The following FLVCR2 variants were observed in gnomAD, a reference collection of about 807,000 sequenced individuals.
FLVCR2 encodes the protein choline/ethanolamine transporter FLVCR2.
Under a neutral mutation model 48.9 loss-of-function variants are expected in FLVCR2, and 38 were observed. The ratio of observed to expected loss-of-function variants is 0.78; its 90% CI spans 0.60 to 1.02. The LOEUF is 1.02. Among genes scored for constraint, FLVCR2 ranks in the 50% least tolerant of loss-of-function variants. The pLI is 0.00. For missense variants in FLVCR2, 664 were observed against 663.3 expected (o/e 1.00, Z -0.01); for synonymous variants, 255 against 257.0 (o/e 0.99, Z 0.07).
intron 1 of FLVCR2, among the ~76,000 whole-genome samples, chr14:75,611,122 A>G (rs1241517230): frequency 6.6e-6 from 1 of 152,204 alleles, no homozygotes; most frequent in Non-Finnish European, 1.5e-5. Flanking sequence ...AACACACTAC[A>G]CAAAAAGAAA....
At chr14:75,626,763 T>C (rs1234990206) in intron 3 of FLVCR2, among the ~76,000 whole-genome samples, 1 of 151,934 alleles carries the variant, frequency 6.6e-6, no homozygotes, top group Non-Finnish European at 1.5e-5. Context: ...GGGGCCCTTC[T>C]AGACTCAGGA....
intron 9 of FLVCR2, among the ~76,000 whole-genome samples, chr14:75,644,504 TG>T (rs1364679250): frequency 6.6e-6 from 1 of 152,210 alleles, no homozygotes; most frequent in Non-Finnish European, 1.5e-5. Flanking sequence ...CTTTTGAGTG[TG>T]GGGTGCTGGA....
chr14:75,619,497 C>G (rs1330843944), intron 1 of FLVCR2, among the ~76,000 whole-genome samples: 2 of 151,934 alleles, frequency 1.3e-5, no homozygotes, highest in African/African-American at 4.8e-5. Flanking sequence ...ATCCATCCAT[C>G]CATCCATCCA....
In FLVCR2 at chr14:75,641,298, G is replaced by T; in HGVS notation, c.1453+5G>T. On this transcript the variant is annotated splice_donor_5th_base_variant and intron_variant, in intron 8 of 9. Coordinates refer to ENST00000238667, the MANE Select transcript of FLVCR2 (RefSeq NM_017791.3). ...CTCTTGGAGCAGCCCTCACTGGTGA[G>T]TTGGAGCCTGAGGGCAAGATGAGGC... The T allele has an allele frequency of 1.2e-6, 2 of 1,606,704 alleles. No individual in the cohort carries two copies. Among genetic ancestry groups the T allele is most frequent in the Non-Finnish European group, 1.7e-6 (2 of 1,173,348 alleles).
At chr14:75,615,730 A>G (rs1889591459) in intron 1 of FLVCR2, among the ~76,000 whole-genome samples, 1 of 152,004 alleles carries the variant, frequency 6.6e-6, no homozygotes. Context: ...TTAAAAAAGC[A>G]TAAGGCCGGC....
chr14:75,622,217 A>G lies in FLVCR2; in HGVS notation c.808A>G (p.Ile270Val), dbSNP rs1889785952. The G allele has an allele frequency of 1.2e-6, 2 of 1,613,940 alleles. No homozygotes were observed. The highest frequency in any genetic ancestry group is 8.5e-7 in the Non-Finnish European group (1 of 1,179,884). The stretch of plus-strand genomic sequence containing the variant: ...CACTCTCCTCCTCATCCTTGTCATC[A>G]TTGGTAAGGTCATTAGTAAACAGAT... The part of the protein sequence containing the change: ...VATLLLILVI[I>V]VFKEKPKYPP... The change falls in exon 2 of 10, where the codon ATT becomes GTT. Residue 270 changes from isoleucine (I) to valine (V), a missense_variant. Physicochemically the swap from Ile to Val is conservative, Grantham distance 29. Transcript: ENST00000238667.
In FLVCR2 at chr14:75,647,484, A is replaced by C. The variant is rs1408351141; in HGVS notation, c.*1012A>C. On this transcript the variant is annotated 3_prime_UTR_variant, in exon 10 of 10. Coordinates refer to ENST00000238667, the MANE Select transcript of FLVCR2 (RefSeq NM_017791.3). The stretch of plus-strand genomic sequence containing the variant: ...GAGATAAGAGGGAAGGGGTAGAAGG[A>C]AAGGTGCCCCTTGAAATGGGAATTG... 4 of 152,622 alleles carry C rather than the reference A, an allele frequency of 2.6e-5. No individual in the cohort carries two copies. Among genetic ancestry groups the C allele is most frequent in the Non-Finnish European group, 5.9e-5 (4 of 68,064 alleles). 9.5% of individuals were successfully genotyped at this position (152,622 alleles called of 1,614,324 possible).
At chr14:75,641,730 A>G in intron 8 of FLVCR2, 113 bp from the exon 9 acceptor site, 3 of 972,166 alleles carry the variant, frequency 3.1e-6, no homozygotes, top group East Asian at 2.4e-5. Context: ...TCTCTTGACT[A>G]TCTGAAGTAA....
At chr14:75,620,952 A>G (rs1038564825) in intron 1 of FLVCR2, among the ~76,000 whole-genome samples, 1 of 152,242 alleles carries the variant, frequency 6.6e-6, no homozygotes, top group African/African-American at 2.4e-5. Flanking sequence ...GGAATTACTC[A>G]TCTTCCTTCA....
chr14:75,644,793 T>C (rs1357781705), intron 9 of FLVCR2, among the ~76,000 whole-genome samples: 5 of 152,146 alleles, frequency 3.3e-5, no homozygotes, highest in Non-Finnish European at 7.4e-5. Flanking sequence ...AGGTGAAGAC[T>C]GGGCACACGG....
intron 6 of FLVCR2, among the ~76,000 whole-genome samples, chr14:75,640,003 T>C (rs1406958491): frequency 6.6e-6 from 1 of 152,202 alleles, no homozygotes; most frequent in African/African-American, 2.4e-5. Flanking sequence ...TTAACGCCTG[T>C]AATCCCAGCA....
At chr14:75,586,440 T>G (rs1178834365) in intron 1 of FLVCR2, among the ~76,000 whole-genome samples, 1 of 152,222 alleles carries the variant, frequency 6.6e-6, no homozygotes, top group South Asian at 2.1e-4. Flanking sequence ...GCGATCTGGA[T>G]GTATACGTGC....
At chr14:75,626,111 CCT>C (rs564782536) in intron 3 of FLVCR2, among the ~76,000 whole-genome samples, 15 of 152,318 alleles carry the variant, frequency 9.8e-5, no homozygotes, top group Non-Finnish European at 1.8e-4. Context: ...TCTGCCTCAG[CCT>C]CCCGAGTAGC....
At chr14:75,630,084 A>T (rs1384963276) in intron 3 of FLVCR2, among the ~76,000 whole-genome samples, 1 of 152,214 alleles carries the variant, frequency 6.6e-6, no homozygotes. Context: ...CAAAGATATG[A>T]TCTGGGGTCA....
At chr14:75,592,012 G>T (rs944241664) in intron 1 of FLVCR2, among the ~76,000 whole-genome samples, 1 of 151,180 alleles carries the variant, frequency 6.6e-6, no homozygotes, top group Admixed American at 6.6e-5. Flanking sequence ...TTTTTGTTTT[G>T]TAGAGATGAG....
chr14:75,619,084 C>T (rs1889694316), intron 1 of FLVCR2, among the ~76,000 whole-genome samples: 1 of 151,884 alleles, frequency 6.6e-6, no homozygotes, highest in Non-Finnish European at 1.5e-5. Flanking sequence ...ATTAGCCAGG[C>T]ATGTTGGTGG....
intron 1 of FLVCR2, among the ~76,000 whole-genome samples, chr14:75,585,327 G>A (rs533599827): frequency 5.3e-5 from 8 of 152,154 alleles, no homozygotes; most frequent in Non-Finnish European, 1.0e-4. Context: ...TTGTAGGATG[G>A]ACAGATCGAA....
At chr14:75,637,806 G>A (rs1232016686) in intron 5 of FLVCR2, among the ~76,000 whole-genome samples, 1 of 152,082 alleles carries the variant, frequency 6.6e-6, no homozygotes, top group Non-Finnish European at 1.5e-5. Flanking sequence ...TGGTAGGGGG[G>A]CAGAGGGATG....
intron 1 of FLVCR2, among the ~76,000 whole-genome samples, chr14:75,592,115 G>C (rs1186710066): frequency 1.3e-5 from 2 of 152,054 alleles, no homozygotes. Flanking sequence ...TCAAGCATGA[G>C]CCACTGTGCC....
Sources: gnomAD v4.1 joint callset for allele counts (sites outside exome capture counted in the v4.1 genomes callset) on GRCh38, gnomAD v4.1.1 for gene constraint, MANE v1.5 for transcripts, NCBI Gene and HGNC (gene_info 2026-07-23, HGNC 2026-07-21) for gene names.